PSD3: variants seen among roughly 807,000 people sequenced by gnomAD.
PSD3 encodes the protein PH and SEC7 domain-containing protein 3.
Under a neutral mutation model 105.5 loss-of-function variants are expected in PSD3, and 49 were observed. The ratio of observed to expected loss-of-function variants is 0.46; its 90% CI spans 0.37 to 0.59. The LOEUF (loss-of-function observed/expected upper bound fraction) is 0.59, where lower values mean the gene tolerates loss of function less well. Ranked by LOEUF, PSD3 falls within the 20% of genes least tolerant of loss-of-function variation. The pLI, the probability that PSD3 is intolerant of heterozygous loss-of-function variation, is 0.00. For synonymous variants in PSD3, 557 were observed against 457.8 expected (o/e 1.22, Z -2.77); for missense variants, 1,561 against 1,263.8 (o/e 1.24, Z -3.57).
At chr8:18,684,868 T>C (rs1800578773) in intron 9 of PSD3, among the ~76,000 whole-genome samples, 3 of 152,188 alleles carry the variant, frequency 2.0e-5, no homozygotes, top group African/African-American at 7.2e-5. Flanking sequence ...TACACAGCAA[T>C]GTGCAAGCCT....
intron 1 of PSD3, among the ~76,000 whole-genome samples, chr8:19,002,391 C>G (rs1029260580): frequency 1.3e-5 from 2 of 151,878 alleles, no homozygotes; most frequent in African/African-American, 4.8e-5. Flanking sequence ...CTTACCGTTC[C>G]TATTATCGCA....
At chr8:18,976,718 C>A (rs942130677) in intron 1 of PSD3, among the ~76,000 whole-genome samples, 1 of 152,134 alleles carries the variant, frequency 6.6e-6, no homozygotes, top group Non-Finnish European at 1.5e-5. Flanking sequence ...AATCACAGAT[C>A]GTACTATGTA....
intron 9 of PSD3, among the ~76,000 whole-genome samples, chr8:18,702,770 G>A (rs1415307700): frequency 1.3e-5 from 2 of 151,814 alleles, no homozygotes; most frequent in African/African-American, 2.4e-5. Context: ...CCGCCATCAC[G>A]CCTGGCTAAA....
rs186874526 is a variant in PSD3, at chr8:18,729,264, C to A, written c.2172+36185G>T. Among the ~76,000 whole-genome samples, 3 of 152,288 alleles carry A rather than the reference C, an allele frequency of 2.0e-5. No homozygotes were observed. In the East Asian group the frequency reaches 5.8e-4, roughly 29 times the overall value. On this transcript the variant is annotated intron_variant, in intron 9 of 15. Coordinates refer to ENST00000327040, the MANE Select transcript of PSD3 (RefSeq NM_015310.4). ...AAACCTATAAATTTTCATAATTATG[C>A]ATTCTGTAAAAGCTTAAGCAATGAG...
At chr8:18,672,554 A>G (rs942637287) in intron 9 of PSD3, among the ~76,000 whole-genome samples, 5 of 152,268 alleles carry the variant, frequency 3.3e-5, no homozygotes, top group African/African-American at 1.2e-4. Flanking sequence ...AATTTGCAAA[A>G]GAAATTTTAG....
chr8:18,896,910 A>C (rs1428753436), intron 2 of PSD3, among the ~76,000 whole-genome samples: 1 of 151,992 alleles, frequency 6.6e-6, no homozygotes, highest in East Asian at 1.9e-4. Flanking sequence ...TCCCAGGTTC[A>C]AGCAATTCTC....
chr8:18,917,384 AAGTGATC>A (rs1820693137), intron 2 of PSD3, among the ~76,000 whole-genome samples: 1 of 152,180 alleles, frequency 6.6e-6, no homozygotes, highest in Non-Finnish European at 1.5e-5. Flanking sequence ...TTACAGCTAA[AAGTGATC>A]ATGGCACGAC....
rs1449239748 is a variant in PSD3, at chr8:18,528,252, G to C, written c.*7491C>G. 1 of 152,184 alleles carries C rather than the reference G, an allele frequency of 6.6e-6. No homozygotes were observed. The highest frequency in any genetic ancestry group is 1.5e-5 in the Non-Finnish European group (1 of 68,046). 9.4% of individuals were successfully genotyped at this position (152,184 alleles called of 1,614,324 possible). ...GAACAAAGCTGCTAAGCTAGCACTTGAGTATTCCTCGACCCTTCCCCTAGA... is the reference window on the plus strand; with the variant it reads ...GAACAAAGCTGCTAAGCTAGCACTTCAGTATTCCTCGACCCTTCCCCTAGA... On this transcript the variant is annotated 3_prime_UTR_variant, in exon 16 of 16. Transcript: ENST00000327040.
chr8:18,954,130 T>A (rs77748229), intron 1 of PSD3, among the ~76,000 whole-genome samples: 1 of 151,940 alleles, frequency 6.6e-6, no homozygotes, highest in Admixed American at 6.6e-5. Flanking sequence ...CCATCATAAG[T>A]TGAAAAATAT....
intron 9 of PSD3, among the ~76,000 whole-genome samples, chr8:18,727,271 A>T (rs1163580092): frequency 7.3e-6 from 1 of 137,056 alleles, no homozygotes; most frequent in African/African-American, 2.7e-5. Context: ...TGGGAGGCGG[A>T]GGTTGCAGTG....
chr8:18,757,265 C>A (rs1281081698), intron 9 of PSD3, among the ~76,000 whole-genome samples: 2 of 146,556 alleles, frequency 1.4e-5, no homozygotes, highest in East Asian at 2.0e-4. Context: ...CCAGCCTTGC[C>A]AACATGGTAA....
intron 11 of PSD3, among the ~76,000 whole-genome samples, chr8:18,612,966 C>T (rs910775650): frequency 6.6e-6 from 1 of 152,058 alleles, no homozygotes; most frequent in South Asian, 2.1e-4. Context: ...GCAGCCATTA[C>T]TAGACGTGCA....
At chr8:18,615,266 C>T (rs1033216178) in intron 11 of PSD3, among the ~76,000 whole-genome samples, 2 of 152,176 alleles carry the variant, frequency 1.3e-5, no homozygotes, top group African/African-American at 2.4e-5. Context: ...TTACCCCCAA[C>T]CTGCTCTGCC....
chr8:18,753,738 A>G (rs1805793969), intron 9 of PSD3, among the ~76,000 whole-genome samples: 1 of 152,194 alleles, frequency 6.6e-6, no homozygotes, highest in South Asian at 2.1e-4. Context: ...TTTATAAGAT[A>G]GTTTTACTGG....
At chr8:18,650,480 A>G (rs1384816456) in intron 10 of PSD3, among the ~76,000 whole-genome samples, 3 of 152,262 alleles carry the variant, frequency 2.0e-5, no homozygotes, top group African/African-American at 7.2e-5. Context: ...TTGGAAAGGC[A>G]AATGGTCATG....
intron 1 of PSD3, among the ~76,000 whole-genome samples, chr8:19,059,266 G>A (rs1280493235): frequency 2.0e-5 from 3 of 152,214 alleles, no homozygotes; most frequent in African/African-American, 7.2e-5. Context: ...GCCAGCAGAG[G>A]AGGGACCACA....
At chr8:19,043,945 G>C (rs1276871211) in intron 1 of PSD3, among the ~76,000 whole-genome samples, 1 of 152,178 alleles carries the variant, frequency 6.6e-6, no homozygotes, top group African/African-American at 2.4e-5. Context: ...CTGAGTCTTT[G>C]TTTTCTGCTC....
rs536269791 is a variant in PSD3 at position 18,654,600 on chromosome 8, C to G, written c.2216+1042G>C. On this transcript the variant is annotated intron_variant, in intron 10 of 15. Coordinates refer to ENST00000327040, the MANE Select transcript of PSD3 (RefSeq NM_015310.4). ...CAACAGTGGTATTGTTCTACGTAGA[C>G]CTAGGTGTAGCTCATCTTTAATAGT... 7.5e-4 allele frequency among the ~76,000 whole-genome samples: 114 copies of G among 152,208 alleles called. 4 individuals carry two copies. In the South Asian group the frequency reaches 0.018, roughly 25 times the overall value.
At chr8:18,724,433 G>A (rs759252327) in intron 9 of PSD3, among the ~76,000 whole-genome samples, 9 of 151,890 alleles carry the variant, frequency 5.9e-5, no homozygotes, top group South Asian at 2.1e-4. Flanking sequence ...GCAACATAGC[G>A]AGACCCCCAT....
Sources: gnomAD v4.1 joint callset for allele counts (sites outside exome capture counted in the v4.1 genomes callset) on GRCh38, gnomAD v4.1.1 for gene constraint, MANE v1.5 for transcripts, NCBI Gene and HGNC (gene_info 2026-07-23, HGNC 2026-07-21) for gene names.